Variants in SLC50A1 observed in about 807,000 individuals in gnomAD.
SLC50A1 encodes the protein sugar transporter SWEET1.
A neutral mutation model predicts 28.9 loss-of-function variants in SLC50A1; 22 were observed. The ratio of observed to expected loss-of-function variants is 0.76; its 90% CI spans 0.54 to 1.09. The LOEUF (loss-of-function observed/expected upper bound fraction) is 1.09. SLC50A1 is among the 50% of genes least tolerant of loss of function. The probability of loss-of-function intolerance (pLI) is 0.00; values close to 1 mark genes in which losing one functional copy is unlikely to be tolerated. For missense variants in SLC50A1, 233 were observed against 273.4 expected (o/e 0.85, Z 1.04); for synonymous variants, 96 against 110.6 (o/e 0.87, Z 0.83).
upstream of SLC50A1, chr1:155,135,499 G>C (rs1040177412): frequency 8.7e-5 from 112 of 1,293,510 alleles, 1 homozygote; most frequent in African/African-American, 1.5e-3. Flanking sequence ...CTGAAGTCTT[G>C]TTAAACTAGC....
At chr1:155,136,470 G>A (rs1490927697) in intron 2 of SLC50A1, 94 bp downstream of exon 2, 10 of 1,235,534 alleles carry the variant, frequency 8.1e-6, no homozygotes, top group East Asian at 5.0e-5. Flanking sequence ...TTGGCCGGGC[G>A]CGGTGGCTCA....
rs955143925 is a variant in SLC50A1, at chr1:155,136,928, T to C, written c.259T>C (p.Tyr87His). 1 of 1,614,154 alleles carries C rather than the reference T, an allele frequency of 6.2e-7. No homozygotes were observed. The highest frequency in any genetic ancestry group is 8.5e-7 in the Non-Finnish European group (1 of 1,179,994). Reference protein sequence around the residue: ...AALQTLYILAYLHYCPRKRVV... With the variant: ...AALQTLYILAHLHYCPRKRVV... ...GCTTCAGACCCTGTATATCTTGGCA[T>C]ATCTGCATTACTGCCCTCGGAAGGT... Residue 87 changes from tyrosine to histidine, a missense_variant, in exon 3 of 6, where the codon TAT (tyrosine) becomes CAT (histidine). Tyr to His is a moderately conservative substitution (Grantham distance 83, BLOSUM62 2). Coordinates refer to ENST00000368404, the MANE Select transcript of SLC50A1 (RefSeq NM_018845.4).
At chr1:155,137,946 T>G in intron 4 of SLC50A1, 33 bp from the exon 5 acceptor site, 1 of 1,614,032 alleles carries the variant, frequency 6.2e-7, no homozygotes, top group Non-Finnish European at 8.5e-7. Flanking sequence ...ACGATGTGCT[T>G]GGGCCAAGAG....
chr1:155,137,497 G>T (rs144486053), intron 3 of SLC50A1, 64 bp from the exon 4 acceptor site: 24,383 of 1,595,418 alleles, frequency 0.015, 201 homozygotes, highest in Non-Finnish European at 0.018. Context: ...AAGGCAGGAT[G>T]AATTAACTCT....
At position 155,138,622 on chromosome 1, in the gene SLC50A1, C is replaced by G. The variant is rs1664638322; in HGVS notation, c.*341C>G. ...GGCGGATCGCCTGAGGTCAGGAGTT[C>G]AAGACCAACCTGACTAACATGGTGA... On this transcript the variant is annotated 3_prime_UTR_variant, in exon 6 of 6. Transcript: ENST00000368404. The G allele has an allele frequency of 4.2e-6, 1 of 238,220 alleles. No individual in the cohort carries two copies. The allele number at this position is 238,220 out of a possible 1,614,324, so 14.8% of individuals were successfully genotyped here.
At chr1:155,136,425 G>A (rs1205503561) in intron 2 of SLC50A1, 49 bp downstream of exon 2, 5 of 1,543,006 alleles carry the variant, frequency 3.2e-6, no homozygotes, top group Admixed American at 3.5e-5. Flanking sequence ...AGAGGGAGGT[G>A]GGGGCGGGGC....
At position 155,135,905 on chromosome 1, in the gene SLC50A1, A is replaced by G; in HGVS notation, c.-7A>G. 2 of 1,613,630 alleles carry G rather than the reference A, an allele frequency of 1.2e-6. No individual in the cohort carries two copies. Among genetic ancestry groups the G allele is most frequent in the Middle Eastern group, 1.7e-4 (1 of 5,992 alleles). The stretch of plus-strand genomic sequence containing the variant: ...GGCGCTGGGCGCGGGATCCGACTCT[A>G]GTCGTAATGGAGGCGGGCGGCTTTC... On this transcript the variant is annotated 5_prime_UTR_variant, in exon 1 of 6. Coordinates refer to ENST00000368404, the MANE Select transcript of SLC50A1 (RefSeq NM_018845.4).
rs751581960 is a variant in SLC50A1 at position 155,135,876 on chromosome 1, G to T, written c.-36G>T. ...TAGGTCCCGGCAACCGCAGGCTCGC[G>T]GCGGGCGCTGGGCGCGGGATCCGAC... is the stretch of plus-strand genomic sequence containing the variant. On this transcript the variant is annotated 5_prime_UTR_variant, in exon 1 of 6. Coordinates refer to ENST00000368404, the MANE Select transcript of SLC50A1 (RefSeq NM_018845.4). 5 of 1,598,050 alleles carry T rather than the reference G, an allele frequency of 3.1e-6. No individual in the cohort carries two copies. Among genetic ancestry groups the T allele is most frequent in the Admixed American group, 3.5e-5 (2 of 56,470 alleles).
intron 1 of SLC50A1, 67 bp downstream of exon 1, chr1:155,136,058 G>C: frequency 6.4e-7 from 1 of 1,574,750 alleles, no homozygotes; most frequent in Admixed American, 1.7e-5. Context: ...AGGGGACAGA[G>C]ACGTGGCCAC....
Position 155,138,463 on chromosome 1 carries a change from T to C in SLC50A1, c.*182T>C. ...AGATGATTGATTGGGGCCTAGGAGA[T>C]GAAATCACTTTTTATTTTTTAGAGA... On this transcript the variant is annotated 3_prime_UTR_variant, in exon 6 of 6. Transcript: ENST00000368404. 3.4e-6 allele frequency: 2 copies of C among 588,872 alleles called. No individual in the cohort carries two copies. The highest frequency in any genetic ancestry group is 3.1e-5 in the Admixed American group (1 of 32,552). The allele number at this position is 588,872 out of a possible 1,614,324, so 36.5% of individuals were successfully genotyped here. A position where few individuals can be genotyped will look rare whatever the true frequency, so the allele number is the denominator to read the frequency against.
chr1:155,138,063 C>T lies in SLC50A1; in HGVS notation c.529C>T (p.Leu177Phe). ...CCTTCTCACCTCTGCCTCCTGGTGC[C>T]TCTATGGGTTTCGACTCAGAGATCC... ...ATLLTSASWC[L>F]YGFRLRDPYI... The change falls in exon 5 of 6, where the codon CTC becomes TTC. Residue 177 changes from leucine to phenylalanine, a missense_variant. Leu to Phe is a conservative substitution (Grantham distance 22). Transcript: ENST00000368404. 6.2e-7 allele frequency: 1 copy of T among 1,614,172 alleles called. No individual in the cohort carries two copies. The highest frequency in any genetic ancestry group is 8.5e-7 in the Non-Finnish European group (1 of 1,180,032).
intron 1 of SLC50A1, 57 bp from the exon 2 acceptor site, chr1:155,136,242 C>G (rs547609204): frequency 1.6e-6 from 2 of 1,243,124 alleles, no homozygotes; most frequent in African/African-American, 1.5e-5. Context: ...GCATCCCCCT[C>G]TAGCACTCTG....
At chr1:155,137,484 G>A in intron 3 of SLC50A1, 77 bp from the exon 4 acceptor site, 1 of 1,574,788 alleles carries the variant, frequency 6.4e-7, no homozygotes, top group Non-Finnish European at 8.6e-7. Flanking sequence ...TGGAGCACTG[G>A]AGAAGGCAGG....
chr1:155,135,818 G>A (rs1368701500), upstream of SLC50A1: 5 of 1,576,536 alleles, frequency 3.2e-6, no homozygotes, highest in Middle Eastern at 5.8e-4. Context: ...AGTGCGCGGG[G>A]CGGGGCTCCA....
In SLC50A1 at chr1:155,135,924, G is replaced by A. The variant is rs201547406; in HGVS notation, c.13G>A (p.Gly5Ser). 6.2e-7 allele frequency: 1 copy of A among 1,613,896 alleles called. No homozygotes were observed. Among genetic ancestry groups the A allele is most frequent in the Non-Finnish European group, 8.5e-7 (1 of 1,179,970 alleles). ...GACTCTAGTCGTAATGGAGGCGGGC[G>A]GCTTTCTGGACTCGCTCATTTACGG... MEAG[G>S]FLDSLIYGAC... The change falls in exon 1 of 6, where the codon GGC (glycine) becomes AGC (serine). Residue 5 changes from glycine (G) to serine (S), a missense_variant. Coordinates refer to ENST00000368404, the MANE Select transcript of SLC50A1 (RefSeq NM_018845.4).
Position 155,137,963 on chromosome 1 carries a change from C to A in SLC50A1, c.445-16C>A, listed in dbSNP as rs763808153. 4 of 1,614,030 alleles carry A rather than the reference C, an allele frequency of 2.5e-6. No individual in the cohort carries two copies. In the South Asian group the frequency reaches 4.4e-5, roughly 18 times the overall value. ...GATGTGCTTGGGCCAAGAGAGTCTT[C>A]CATTCTTTCCCACAGGCTAAGGTGA... On this transcript the variant is annotated splice_polypyrimidine_tract_variant and intron_variant, in intron 4 of 5. Transcript: ENST00000368404.
At chr1:155,136,187 A>AGGGGGGCGGGGTG (rs56367425) in intron 1 of SLC50A1, 112 bp from the exon 2 acceptor site, 8 of 709,566 alleles carry the variant, frequency 1.1e-5, no homozygotes, top group African/African-American at 3.8e-5. Context: ...CGGGGGGGAG[A>AGGGGGGCGGGGTG]GGGGGCGGGG....
At chr1:155,137,301 A>G in intron 3 of SLC50A1, among the ~76,000 whole-genome samples, 1 of 152,208 alleles carries the variant, frequency 6.6e-6, no homozygotes, top group East Asian at 1.9e-4. Flanking sequence ...TAAATCACAC[A>G]AGCATTTATG....
Position 155,136,842 on chromosome 1 carries a change from TGA to T in SLC50A1, c.175_176del (p.Ser59LeufsTer64). 1 of 1,614,092 alleles carries T rather than the reference TGA, an allele frequency of 6.2e-7. No individual in the cohort carries two copies. Among genetic ancestry groups the T allele is most frequent in the Non-Finnish European group, 8.5e-7 (1 of 1,179,996 alleles). On this transcript the variant is annotated frameshift_variant, in exon 3 of 6. Transcript: ENST00000368404. LOFTEE classifies it high-confidence loss of function. Reference sequence around the variant, plus strand: ...CCACCCTGCAGCAACCTGGGCTGGCTGAGTTATGGGGCTTTGAAGGGAGACGG... The same window carrying T: ...CCACCCTGCAGCAACCTGGGCTGGCTGTTATGGGGCTTTGAAGGGAGACGG...
Sources: allele counts gnomAD v4.1 joint callset (sites outside exome capture counted in the v4.1 genomes callset), GRCh38; gene constraint gnomAD v4.1.1; transcripts MANE v1.5; gene names NCBI Gene and HGNC (gene_info 2026-07-23, HGNC 2026-07-21).